The following ZBTB7C variants were observed in gnomAD, a reference collection of about 807,000 sequenced individuals.
ZBTB7C encodes zinc finger and BTB domain-containing protein 7C.
Under a neutral mutation model 25.7 loss-of-function variants are expected in ZBTB7C, and 8 were observed. The ratio of observed to expected loss-of-function variants is 0.31; its 90% CI spans 0.18 to 0.56. ZBTB7C has a LOEUF of 0.56. ZBTB7C is among the 20% of genes least tolerant of loss of function. The pLI is 0.91. For synonymous variants in ZBTB7C, 394 were observed against 369.0 expected (o/e 1.07, Z -0.78); for missense variants, 824 against 855.2 (o/e 0.96, Z 0.46).
intron 3 of ZBTB7C, among the ~76,000 whole-genome samples, chr18:48,158,744 A>T (rs2040912609): frequency 6.6e-6 from 1 of 151,732 alleles, no homozygotes; most frequent in Non-Finnish European, 1.5e-5. Flanking sequence ...CAGAAGATAG[A>T]CTCCAAAAGC....
At chr18:48,409,709 G>A (rs1195247368), upstream of ZBTB7C, among the ~76,000 whole-genome samples, 6 of 152,036 alleles carry the variant, frequency 3.9e-5, no homozygotes, top group South Asian at 8.3e-4. Context: ...CGGAGGCTGC[G>A]GGCGGGAGTC....
At chr18:48,177,505 T>C (rs956273099) in intron 3 of ZBTB7C, among the ~76,000 whole-genome samples, 1 of 152,166 alleles carries the variant, frequency 6.6e-6, no homozygotes, top group Non-Finnish European at 1.5e-5. Flanking sequence ...AGTGCCATCA[T>C]TCTTGTGTTC....
chr18:48,091,728 G>T (rs1418586186), intron 3 of ZBTB7C, among the ~76,000 whole-genome samples: 2 of 152,188 alleles, frequency 1.3e-5, no homozygotes, highest in Non-Finnish European at 2.9e-5. Flanking sequence ...TAATCTTCCT[G>T]ACAGGACCCT....
chr18:48,153,164 C>T (rs1481628417), intron 3 of ZBTB7C, among the ~76,000 whole-genome samples: 5 of 152,346 alleles, frequency 3.3e-5, no homozygotes, highest in Non-Finnish European at 1.5e-5. Context: ...TAGGGAGGCA[C>T]ATACAGTTGA....
intron 1 of ZBTB7C, among the ~76,000 whole-genome samples, chr18:48,367,347 C>CATATACATAT (rs1555752157): frequency 2.2e-5 from 1 of 44,810 alleles, no homozygotes; most frequent in African/African-American, 5.9e-5. Flanking sequence ...TATATGTGTG[C>CATATACATAT]ATATATATAT....
At chr18:48,038,210 G>A (rs2036059834) in intron 4 of ZBTB7C, among the ~76,000 whole-genome samples, 1 of 152,014 alleles carries the variant, frequency 6.6e-6, no homozygotes, top group South Asian at 2.1e-4. Flanking sequence ...AGCATTGCCG[G>A]GTGGCTGGCC....
chr18:48,080,954 C>G (rs1466782426), intron 3 of ZBTB7C, among the ~76,000 whole-genome samples: 1 of 152,234 alleles, frequency 6.6e-6, no homozygotes, highest in Non-Finnish European at 1.5e-5. Flanking sequence ...TTTCCTCACT[C>G]ACCCCTGGTT....
chr18:48,035,630 C>G (rs1286554632), intron 4 of ZBTB7C, among the ~76,000 whole-genome samples: 1 of 152,250 alleles, frequency 6.6e-6, no homozygotes, highest in Non-Finnish European at 1.5e-5. Flanking sequence ...GCGGGGGCCA[C>G]CTGGACCTGG....
intron 3 of ZBTB7C, among the ~76,000 whole-genome samples, chr18:48,119,894 G>C (rs1235987683): frequency 6.6e-6 from 1 of 152,230 alleles, no homozygotes; most frequent in East Asian, 1.9e-4. Context: ...CGGGGGTTGA[G>C]AGAAGGCACT....
intron 3 of ZBTB7C, among the ~76,000 whole-genome samples, chr18:48,076,550 C>T (rs968655133): frequency 3.9e-5 from 6 of 152,152 alleles, no homozygotes; most frequent in Non-Finnish European, 8.8e-5. Context: ...CCAAATATTC[C>T]CTGCTTTCCA....
chr18:48,340,895 C>T (rs965537747), intron 1 of ZBTB7C, among the ~76,000 whole-genome samples: 1 of 152,196 alleles, frequency 6.6e-6, no homozygotes, highest in African/African-American at 2.4e-5. Flanking sequence ...CTGGATCTCA[C>T]CACCCTGGGT....
intron 3 of ZBTB7C, among the ~76,000 whole-genome samples, chr18:48,156,025 TC>T (rs1568263426): frequency 6.6e-6 from 1 of 152,200 alleles, no homozygotes; most frequent in Non-Finnish European, 1.5e-5. Flanking sequence ...GCTAATCTCC[TC>T]CACAAGAGAC....
rs1403187343 is a variant in ZBTB7C at position 48,029,580 on chromosome 18, C to T, written c.1540G>A (p.Val514Met). The change falls in exon 5 of 5, where the codon GTG (valine) becomes ATG (methionine). Residue 514 changes from valine (V) to methionine (M), a missense_variant. This residue lies in a region of ZBTB7C where 342 missense variants were observed against 307.0 expected (regional missense o/e 1.11). Transcript: ENST00000590800. ...GCTGCGCCGCCCAGGTGGCCGCCCACCTCGCCCAGCGCAGGGGGCATCACG... is the reference window on the plus strand; with the variant it reads ...GCTGCGCCGCCCAGGTGGCCGCCCATCTCGCCCAGCGCAGGGGGCATCACG... ...AFVMPPALGE[V>M]GGHLGGAAVC... 1 of 1,487,826 alleles carries T rather than the reference C, an allele frequency of 6.7e-7. No homozygotes were observed. Among genetic ancestry groups the T allele is most frequent in the African/African-American group, 1.5e-5 (1 of 68,438 alleles). 92.2% of individuals were successfully genotyped at this position (1,487,826 alleles called of 1,614,324 possible).
At chr18:48,392,403 G>A (rs1195172325) in intron 1 of ZBTB7C, among the ~76,000 whole-genome samples, 1 of 152,162 alleles carries the variant, frequency 6.6e-6, no homozygotes, top group Non-Finnish European at 1.5e-5. Flanking sequence ...TTAAAATTGT[G>A]GTTTCTGCCC....
intron 2 of ZBTB7C, among the ~76,000 whole-genome samples, chr18:48,296,887 G>C (rs1210809719): frequency 6.6e-6 from 1 of 152,208 alleles, no homozygotes; most frequent in African/African-American, 2.4e-5. Context: ...CAGATGGCTT[G>C]AGTCCAGGAG....
chr18:48,356,804 A>T (rs1467284862), intron 1 of ZBTB7C, among the ~76,000 whole-genome samples: 1 of 152,208 alleles, frequency 6.6e-6, no homozygotes, highest in East Asian at 1.9e-4. Flanking sequence ...ACTGAGGCCC[A>T]AAGCAGTGAG....
intron 1 of ZBTB7C, among the ~76,000 whole-genome samples, chr18:48,355,058 A>C (rs545243399): frequency 6.6e-6 from 1 of 152,188 alleles, no homozygotes; most frequent in African/African-American, 2.4e-5. Flanking sequence ...AGCTTCATCA[A>C]AGCCTACTGG....
chr18:48,138,220 C>T (rs1159114000), intron 3 of ZBTB7C, among the ~76,000 whole-genome samples: 1 of 152,248 alleles, frequency 6.6e-6, no homozygotes, highest in Non-Finnish European at 1.5e-5. Context: ...AAGTAAATCT[C>T]AAAGGTGCAT....
chr18:48,197,320 G>A (rs1414545298), intron 2 of ZBTB7C, among the ~76,000 whole-genome samples: 3 of 151,962 alleles, frequency 2.0e-5, no homozygotes. Flanking sequence ...GTTTTGAATT[G>A]GCTAACTTTT....
Sources: gnomAD v4.1 joint callset for allele counts (sites outside exome capture counted in the v4.1 genomes callset) on GRCh38, gnomAD v4.1.1 for gene constraint, gnomAD v4.1.1 regional missense constraint, MANE v1.5 for transcripts, NCBI Gene and HGNC (gene_info 2026-07-23, HGNC 2026-07-21) for gene names.